The following FER variants were observed in gnomAD, a reference collection of about 807,000 sequenced individuals.
The protein encoded by FER is FER tyrosine kinase, also known as tyrosine-protein kinase Fer.
FER carries 63 observed loss-of-function variants against 111.0 expected under a neutral mutation model. The observed-to-expected ratio is 0.57, with a 90% confidence interval of 0.46 to 0.70. FER has a LOEUF of 0.70. FER is among the 30% of genes least tolerant of loss of function. The pLI is 0.00. For synonymous variants in FER, 327 were observed against 313.9 expected (o/e 1.04, Z -0.44); for missense variants, 914 against 954.0 (o/e 0.96, Z 0.55).
At chr5:109,047,227 T>A (rs780756655) in intron 16 of FER, 29 bp downstream of exon 16, 1 of 1,304,420 alleles carries the variant, frequency 7.7e-7, no homozygotes, top group Admixed American at 1.9e-5. Context: ...TTTTGCATGA[T>A]GACATTTTAA....
intron 18 of FER, among the ~76,000 whole-genome samples, chr5:109,184,424 C>A (rs1293163891): frequency 2.0e-5 from 3 of 152,134 alleles, no homozygotes; most frequent in Admixed American, 2.0e-4. Context: ...GTAAGTTACT[C>A]TTGGTCTGTT....
At chr5:109,142,337 C>G (rs146349297) in intron 17 of FER, among the ~76,000 whole-genome samples, 1,812 of 152,222 alleles carry the variant, frequency 0.012, 19 homozygotes, top group Non-Finnish European at 0.02. Context: ...GACCCTAATT[C>G]CCTTCTCTAA....
chr5:108,760,174 T>C (rs970092116), intron 1 of FER, among the ~76,000 whole-genome samples: 7 of 151,742 alleles, frequency 4.6e-5, no homozygotes, highest in African/African-American at 1.7e-4. Flanking sequence ...TTTTTTTTTT[T>C]CTGAGCAGTA....
In FER at chr5:108,911,076, A is replaced by G. The variant is rs193284576; in HGVS notation, c.1236+13228A>G. ...TTTTCCATAGAAGTTTAACTAATTT[A>G]CATTCCCACCAACAGTGCATAACAT... On this transcript the variant is annotated intron_variant, in intron 10 of 19. Coordinates refer to ENST00000281092, the MANE Select transcript of FER (RefSeq NM_005246.4). 1.8e-3 allele frequency among the ~76,000 whole-genome samples: 279 copies of G among 152,252 alleles called. 2 individuals are homozygous for G. The highest frequency in any genetic ancestry group is 6.2e-3 in the African/African-American group (256 of 41,560).
intron 13 of FER, among the ~76,000 whole-genome samples, chr5:108,972,753 A>G (rs1004044984): frequency 4.6e-5 from 7 of 152,324 alleles, no homozygotes; most frequent in African/African-American, 1.4e-4. Context: ...CAAGACTCAT[A>G]TTCTATTTTC....
At chr5:109,076,836 A>G (rs894951153) in intron 16 of FER, among the ~76,000 whole-genome samples, 1 of 152,168 alleles carries the variant, frequency 6.6e-6, no homozygotes, top group Non-Finnish European at 1.5e-5. Context: ...CTATATCTTG[A>G]GTTTTTAGCT....
At chr5:108,824,407 T>C (rs1580734234) in intron 3 of FER, among the ~76,000 whole-genome samples, 1 of 152,256 alleles carries the variant, frequency 6.6e-6, no homozygotes, top group East Asian at 1.9e-4. Context: ...GATATTTTAA[T>C]GATCATTCTT....
chr5:109,160,441 G>A (rs1355034190), intron 17 of FER, among the ~76,000 whole-genome samples: 2 of 152,130 alleles, frequency 1.3e-5, no homozygotes, highest in African/African-American at 2.4e-5. Context: ...TGCAAATGGT[G>A]TTGTCAGTGT....
At position 109,187,740 on chromosome 5, in the gene FER, A is replaced by G. The variant is rs527654525; in HGVS notation, c.*165A>G. 5 of 868,856 alleles carry G rather than the reference A, an allele frequency of 5.8e-6. No individual in the cohort carries two copies. Among genetic ancestry groups the G allele is most frequent in the African/African-American group, 1.7e-5 (1 of 58,630 alleles). The allele number at this position is 868,856 out of a possible 1,614,324, so 53.8% of individuals were successfully genotyped here. On this transcript the variant is annotated 3_prime_UTR_variant, in exon 20 of 20. Transcript: ENST00000281092. ...AAGTACGTTCCACTTGTAAAAAGTC[A>G]AAGGCAAATTTGTTAAAGAAATAGG...
rs912995978 is a variant in FER at position 109,192,167 on chromosome 5, T to C, written c.*4592T>C. The C allele has an allele frequency of 6.6e-6, 1 of 152,186 alleles. No homozygotes were observed. Among genetic ancestry groups the C allele is most frequent in the Non-Finnish European group, 1.5e-5 (1 of 68,022 alleles). The allele number at this position is 152,186 out of a possible 1,614,324, so 9.4% of individuals were successfully genotyped here. A position where few individuals can be genotyped will look rare whatever the true frequency, so the allele number is the denominator to read the frequency against. On this transcript the variant is annotated 3_prime_UTR_variant, in exon 20 of 20. Transcript: ENST00000281092. ...GTCACTTTAAACTGCATAGAAGTAATGAGCATAGGCTTCAGTATATTTAAT... is the reference window on the plus strand; with the variant it reads ...GTCACTTTAAACTGCATAGAAGTAACGAGCATAGGCTTCAGTATATTTAAT...
chr5:108,999,834 A>G (rs556955802), intron 13 of FER, among the ~76,000 whole-genome samples: 33 of 151,434 alleles, frequency 2.2e-4, no homozygotes, highest in African/African-American at 7.3e-4. Flanking sequence ...TTCCACTTCT[A>G]TGTATTACTG....
intron 13 of FER, among the ~76,000 whole-genome samples, chr5:109,005,265 G>A (rs918715797): frequency 6.6e-6 from 1 of 152,044 alleles, no homozygotes; most frequent in Non-Finnish European, 1.5e-5. Context: ...CTCAAGTGAA[G>A]TCTGAGGAGT....
chr5:108,837,690 C>G (rs575554871), intron 5 of FER, among the ~76,000 whole-genome samples: 14 of 152,068 alleles, frequency 9.2e-5, no homozygotes, highest in African/African-American at 3.1e-4. Flanking sequence ...TTTTTAAAAG[C>G]AAAATCTAAT....
chr5:109,104,972 T>C (rs1032299572), intron 17 of FER, among the ~76,000 whole-genome samples: 14 of 152,168 alleles, frequency 9.2e-5, no homozygotes, highest in African/African-American at 3.4e-4. Context: ...CTCAATCTCC[T>C]GACCTCGTGA....
At position 109,013,253 on chromosome 5, in the gene FER, C is replaced by T. The variant is rs766897264; in HGVS notation, c.1657-24169C>T. Reference sequence around the variant, plus strand: ...CCTCCCCCCACCCCACAACAGTCCCCGAAGTGTGATGTACCCCTTCCTGTG... The same window carrying T: ...CCTCCCCCCACCCCACAACAGTCCCTGAAGTGTGATGTACCCCTTCCTGTG... On this transcript the variant is annotated intron_variant, in intron 13 of 19. Transcript: ENST00000281092. Among the ~76,000 whole-genome samples, 21 of 124,668 alleles carry T rather than the reference C, an allele frequency of 1.7e-4. No individual in the cohort carries two copies. The East Asian group carries it at 4.5e-3, about 26-fold the overall frequency. The allele number at this position is 124,668 out of a possible 152,430, so 81.8% of individuals were successfully genotyped here.
At chr5:109,060,886 T>G (rs900427287) in intron 16 of FER, among the ~76,000 whole-genome samples, 6 of 151,922 alleles carry the variant, frequency 3.9e-5, no homozygotes, top group Non-Finnish European at 7.4e-5. Context: ...ATCAGTATCA[T>G]TATACTTCAT....
At chr5:109,137,593 A>C (rs1280705161) in intron 17 of FER, among the ~76,000 whole-genome samples, 3 of 152,170 alleles carry the variant, frequency 2.0e-5, no homozygotes, top group African/African-American at 7.2e-5. Flanking sequence ...CATAAATTAC[A>C]AAGTGATCTA....
At chr5:108,787,240 G>C (rs1398933519) in intron 2 of FER, among the ~76,000 whole-genome samples, 1 of 152,216 alleles carries the variant, frequency 6.6e-6, no homozygotes, top group Non-Finnish European at 1.5e-5. Flanking sequence ...CCAGGTATGT[G>C]CATGCTCAGA....
intron 17 of FER, among the ~76,000 whole-genome samples, chr5:109,165,549 T>C (rs1210011639): frequency 6.6e-6 from 1 of 151,716 alleles, no homozygotes; most frequent in Non-Finnish European, 1.5e-5. Flanking sequence ...AGGGTCACTT[T>C]TAGGGAAATA....
Sources: allele counts gnomAD v4.1 joint callset (sites outside exome capture counted in the v4.1 genomes callset), GRCh38; gene constraint gnomAD v4.1.1; transcripts MANE v1.5; gene names NCBI Gene and HGNC (gene_info 2026-07-23, HGNC 2026-07-21).